Variants in SLC25A21 observed in about 807,000 individuals in gnomAD.
The protein encoded by SLC25A21 is mitochondrial 2-oxodicarboxylate carrier.
In SLC25A21, 47 loss-of-function variants were observed where a neutral mutation model predicts 43.8. The observed-to-expected ratio is 1.07, with a 90% CI of 0.85 to 1.37. SLC25A21 has a LOEUF of 1.37. Ranked by LOEUF, SLC25A21 falls within the 40% of genes most tolerant of loss-of-function variation. The pLI is 0.00. For missense variants in SLC25A21, 352 were observed against 350.2 expected, an observed-to-expected ratio of 1.00 and a Z score of -0.04; for synonymous variants, 131 against 121.3, an observed-to-expected ratio of 1.08 and a Z score of -0.52.
At position 37,164,341 on chromosome 14, in the gene SLC25A21, TG is replaced by T. The variant is rs564792368; in HGVS notation, c.70+7939del. Among the ~76,000 whole-genome samples, 10 of 152,304 alleles carry T rather than the reference TG, an allele frequency of 6.6e-5. No homozygotes were observed. The South Asian group carries it at 2.1e-3, about 32-fold the overall frequency. ...ATAGGGTTGCTTCCTCCTATGTGCT[TG>T]AAATAAGGGTTATTTTTTTCTCCCT... On this transcript the variant is annotated intron_variant, in intron 1 of 9. Transcript: ENST00000331299.
chr14:36,686,494 C>G (rs1882550796), intron 7 of SLC25A21, among the ~76,000 whole-genome samples: 1 of 152,114 alleles, frequency 6.6e-6, no homozygotes, highest in South Asian at 2.1e-4. Context: ...CACTGAATCA[C>G]CCAGAGCCCA....
intron 2 of SLC25A21, among the ~76,000 whole-genome samples, chr14:36,843,379 G>A (rs977585543): frequency 6.6e-6 from 1 of 152,140 alleles, no homozygotes; most frequent in Admixed American, 6.5e-5. Context: ...CAATTCAGGG[G>A]GAGGATCCTA....
chr14:37,111,900 C>T (rs1037606465), intron 1 of SLC25A21, among the ~76,000 whole-genome samples: 3 of 152,132 alleles, frequency 2.0e-5, no homozygotes, highest in African/African-American at 7.2e-5. Context: ...GTATAATCAA[C>T]AAGCTGGAGT....
intron 1 of SLC25A21, among the ~76,000 whole-genome samples, chr14:37,077,710 T>C (rs1447497756): frequency 6.6e-6 from 1 of 152,234 alleles, no homozygotes; most frequent in Non-Finnish European, 1.5e-5. Flanking sequence ...CATATGTGTG[T>C]ATACATGAGT....
At chr14:36,721,733 C>T (rs1245373229) in intron 6 of SLC25A21, among the ~76,000 whole-genome samples, 1 of 152,198 alleles carries the variant, frequency 6.6e-6, no homozygotes, top group Admixed American at 6.5e-5. Context: ...CCAAGATGGG[C>T]CAGCAAGTCA....
intron 1 of SLC25A21, among the ~76,000 whole-genome samples, chr14:37,042,178 CAG>C (rs1008490121): frequency 6.6e-6 from 1 of 152,114 alleles, no homozygotes; most frequent in Non-Finnish European, 1.5e-5. Flanking sequence ...GGCGAGCAAA[CAG>C]AGGGCAGAAT....
chr14:37,000,809 G>A (rs895348342), intron 1 of SLC25A21, among the ~76,000 whole-genome samples: 1 of 151,842 alleles, frequency 6.6e-6, no homozygotes, highest in African/African-American at 2.4e-5. Context: ...TCACTGCCTC[G>A]CTCTCCCTGC....
At chr14:36,863,407 A>C (rs1006385743) in intron 2 of SLC25A21, among the ~76,000 whole-genome samples, 4 of 150,888 alleles carry the variant, frequency 2.7e-5, no homozygotes, top group Non-Finnish European at 5.9e-5. Context: ...AAATTTAGAC[A>C]AAACAGAAAT....
intron 3 of SLC25A21, among the ~76,000 whole-genome samples, chr14:36,742,941 T>C (rs1347718056): frequency 1.3e-5 from 2 of 152,198 alleles, no homozygotes; most frequent in Non-Finnish European, 2.9e-5. Context: ...ACTGTATGTT[T>C]AGTATGATTT....
chr14:37,156,269 C>A (rs948351580), intron 1 of SLC25A21, among the ~76,000 whole-genome samples: 1 of 150,964 alleles, frequency 6.6e-6, no homozygotes, highest in East Asian at 1.9e-4. Flanking sequence ...TTCACCAAAC[C>A]GCAATGACAA....
chr14:37,063,436 G>A (rs1029692474), intron 1 of SLC25A21, among the ~76,000 whole-genome samples: 1 of 151,316 alleles, frequency 6.6e-6, no homozygotes, highest in Non-Finnish European at 1.5e-5. Flanking sequence ...GGAGGTGGAG[G>A]TTGCAGTGAG....
At chr14:36,994,848 T>G (rs975479409) in intron 1 of SLC25A21, among the ~76,000 whole-genome samples, 4 of 152,184 alleles carry the variant, frequency 2.6e-5, no homozygotes, top group Non-Finnish European at 5.9e-5. Flanking sequence ...TCCAACATTA[T>G]TTAGCTCTTG....
At chr14:36,717,705 C>T (rs1049250315) in intron 6 of SLC25A21, among the ~76,000 whole-genome samples, 13 of 152,190 alleles carry the variant, frequency 8.5e-5, no homozygotes, top group Admixed American at 2.6e-4. Flanking sequence ...TTTTGCTTTT[C>T]CCTTGAGCTT....
At chr14:37,125,149 T>C (rs1963275641) in intron 1 of SLC25A21, among the ~76,000 whole-genome samples, 1 of 152,192 alleles carries the variant, frequency 6.6e-6, no homozygotes, top group African/African-American at 2.4e-5. Flanking sequence ...AAAATAGCTG[T>C]GTGACCTCGG....
intron 1 of SLC25A21, among the ~76,000 whole-genome samples, chr14:36,943,054 T>A (rs1319314808): frequency 6.6e-6 from 1 of 152,168 alleles, no homozygotes; most frequent in Non-Finnish European, 1.5e-5. Flanking sequence ...AAGGCGGAAT[T>A]ACTACTACAT....
At position 37,018,596 on chromosome 14, in the gene SLC25A21, T is replaced by C. The variant is rs76282516; in HGVS notation, c.71-143592A>G. Among the ~76,000 whole-genome samples the C allele has an allele frequency of 4.8e-3, 727 of 152,134 alleles. 8 individuals are homozygous for C. The highest frequency in any genetic ancestry group is 0.017 in the African/African-American group (692 of 41,522). ...ATGTGTCTACTCTTCACTGTCTCCA[T>C]TGTCATTACCCTTGTCTAAGTCTCC... is the stretch of plus-strand genomic sequence containing the variant. On this transcript the variant is annotated intron_variant, in intron 1 of 9. Coordinates refer to ENST00000331299, the MANE Select transcript of SLC25A21 (RefSeq NM_030631.4).
At chr14:37,145,246 T>C (rs758797493) in intron 1 of SLC25A21, among the ~76,000 whole-genome samples, 23 of 151,912 alleles carry the variant, frequency 1.5e-4, no homozygotes, top group Non-Finnish European at 3.1e-4. Flanking sequence ...CATAGAATAC[T>C]ACCTCCTTCT....
chr14:36,962,124 C>T (rs1481097152), intron 1 of SLC25A21, among the ~76,000 whole-genome samples: 4 of 152,202 alleles, frequency 2.6e-5, no homozygotes, highest in Non-Finnish European at 5.9e-5. Flanking sequence ...ATTTTCCTCA[C>T]ATATAAATTA....
At chr14:36,931,834 T>A (rs1892303263) in intron 1 of SLC25A21, among the ~76,000 whole-genome samples, 1 of 152,150 alleles carries the variant, frequency 6.6e-6, no homozygotes, top group Non-Finnish European at 1.5e-5. Flanking sequence ...TTGCTCTGAG[T>A]ACTTATGTGA....
Sources: allele counts gnomAD v4.1 joint callset (sites outside exome capture counted in the v4.1 genomes callset), GRCh38; gene constraint gnomAD v4.1.1; transcripts MANE v1.5; gene names NCBI Gene and HGNC (gene_info 2026-07-23, HGNC 2026-07-21).